The following TPRG1 variants were observed in gnomAD, a reference collection of about 807,000 sequenced individuals.
TPRG1 encodes tumor protein p63-regulated gene 1 protein.
A neutral mutation model predicts 29.3 loss-of-function variants in TPRG1; 29 were observed. That is an observed-to-expected ratio of 0.99 (90% CI 0.74 to 1.35). The LOEUF is 1.35. TPRG1 is among the 40% of genes most tolerant of loss of function. The pLI, the probability that TPRG1 is intolerant of heterozygous loss-of-function variation, is 0.00. For missense variants in TPRG1, 327 were observed against 335.0 expected (o/e 0.98, Z 0.19); for synonymous variants, 130 against 116.8 (o/e 1.11, Z -0.73).
chr3:189,037,959 A>G (rs914557198), intron 4 of TPRG1, among the ~76,000 whole-genome samples: 2 of 151,334 alleles, frequency 1.3e-5, no homozygotes, highest in Non-Finnish European at 3.0e-5. Context: ...ATGTTCATGG[A>G]TGGGGCAACT....
chr3:189,207,681 T>C (rs1734615722), intron 2 of TPRG1, 87 bp downstream of exon 2: 2 of 1,249,246 alleles, frequency 1.6e-6, no homozygotes, highest in African/African-American at 3.0e-5. Flanking sequence ...ATTTACTGAG[T>C]GTACTCACAT....
intron 4 of TPRG1, among the ~76,000 whole-genome samples, chr3:189,067,242 C>A (rs1012192227): frequency 6.6e-6 from 1 of 152,104 alleles, no homozygotes; most frequent in Non-Finnish European, 1.5e-5. Flanking sequence ...AATGTTCATA[C>A]TACCCAAAGC....
chr3:189,151,150 A>C (rs1297905198), intron 5 of TPRG1: 2 of 152,214 alleles, frequency 1.3e-5, no homozygotes, highest in Non-Finnish European at 2.9e-5. Flanking sequence ...TCTTCCAAAG[A>C]TGTTTGTGGA....
rs574344370 is a variant in TPRG1 at position 189,231,326 on chromosome 3, AT to A, written c.303-7400del. Among the ~76,000 whole-genome samples, 367 of 150,128 alleles carry A rather than the reference AT, an allele frequency of 2.4e-3. 2 individuals carry two copies. The highest frequency in any genetic ancestry group is 8.6e-3 in the African/African-American group (349 of 40,740). On this transcript the variant is annotated intron_variant, in intron 3 of 5. Transcript: ENST00000345063. ...TATGGAATTAATGACTTCTCTTTTA[AT>A]TTTTTTAGGAAATTAAAATGAAAAT...
intron 4 of TPRG1, among the ~76,000 whole-genome samples, chr3:189,049,146 C>A (rs1266895300): frequency 6.6e-6 from 1 of 152,148 alleles, no homozygotes; most frequent in Admixed American, 6.5e-5. Flanking sequence ...CCGGCCACAA[C>A]TAGGGGAAGG....
intron 1 of TPRG1, among the ~76,000 whole-genome samples, chr3:189,197,683 C>T (rs1427329600): frequency 6.6e-6 from 1 of 151,666 alleles, no homozygotes; most frequent in Non-Finnish European, 1.5e-5. Flanking sequence ...TAGAATTTAT[C>T]CCTGTAGGGG....
intron 4 of TPRG1, chr3:189,267,677 A>G (rs1158801102): frequency 1.3e-5 from 2 of 152,238 alleles, no homozygotes; most frequent in African/African-American, 4.8e-5. Flanking sequence ...TGGAAAATAG[A>G]GACAGTAGTG....
chr3:189,285,309 A>C (rs532198600), intron 4 of TPRG1, among the ~76,000 whole-genome samples: 2 of 152,314 alleles, frequency 1.3e-5, no homozygotes, highest in South Asian at 4.1e-4. Context: ...TCACTTGTGA[A>C]TGTTTCCTGC....
chr3:189,151,520 A>G (rs930276257), intron 5 of TPRG1, among the ~76,000 whole-genome samples: 3 of 151,990 alleles, frequency 2.0e-5, no homozygotes, highest in African/African-American at 7.2e-5. Context: ...AGAAAGAGAA[A>G]CCTAAAGAGT....
intron 3 of TPRG1, among the ~76,000 whole-genome samples, chr3:189,019,464 GC>G (rs1713163232): frequency 6.6e-6 from 1 of 152,106 alleles, no homozygotes; most frequent in Admixed American, 6.6e-5. Flanking sequence ...TTTGTCAAAG[GC>G]CTTTTCTGCA....
chr3:189,196,308 C>T (rs1034516920), intron 1 of TPRG1, among the ~76,000 whole-genome samples: 3 of 152,178 alleles, frequency 2.0e-5, no homozygotes, highest in African/African-American at 7.2e-5. Context: ...AATCCTGTCA[C>T]AGTGCTGGTA....
intron 4 of TPRG1, among the ~76,000 whole-genome samples, chr3:189,244,275 C>T (rs764756649): frequency 1.8e-4 from 27 of 151,926 alleles, no homozygotes; most frequent in Non-Finnish European, 3.8e-4. Flanking sequence ...ATTAAAAATA[C>T]AAAAATTAGC....
Position 189,324,518 on chromosome 3 carries a change from T to G in TPRG1, c.*3698T>G, listed in dbSNP as rs1342196579. The G allele has an allele frequency of 6.6e-6, 1 of 152,120 alleles. No homozygotes were observed. Among genetic ancestry groups the G allele is most frequent in the Non-Finnish European group, 1.5e-5 (1 of 68,020 alleles). 9.4% of individuals were successfully genotyped at this position (152,120 alleles called of 1,614,324 possible). A position where few individuals can be genotyped will look rare whatever the true frequency, so the allele number is the denominator to read the frequency against. ...TTTCCAGAAATTGCCATCATTTTCTTAAAGGCTAAGGACACTTATAGAGCT... is the reference window on the plus strand; with the variant it reads ...TTTCCAGAAATTGCCATCATTTTCTGAAAGGCTAAGGACACTTATAGAGCT... On this transcript the variant is annotated 3_prime_UTR_variant, in exon 6 of 6. Transcript: ENST00000345063.
At chr3:189,114,796 C>T (rs1720976239) in intron 1 of TPRG1, among the ~76,000 whole-genome samples, 1 of 151,950 alleles carries the variant, frequency 6.6e-6, no homozygotes, top group African/African-American at 2.4e-5. Context: ...AATAGAAATG[C>T]TATAGAAATT....
intron 4 of TPRG1, among the ~76,000 whole-genome samples, chr3:189,043,521 A>G (rs780272558): frequency 6.6e-6 from 1 of 152,162 alleles, no homozygotes; most frequent in African/African-American, 2.4e-5. Context: ...TTTATTTTTC[A>G]TATTTTCACC....
intron 3 of TPRG1, among the ~76,000 whole-genome samples, chr3:189,221,920 C>G (rs1261868657): frequency 1.3e-5 from 2 of 152,150 alleles, no homozygotes; most frequent in Non-Finnish European, 2.9e-5. Context: ...CATGACACCT[C>G]TCTCCCAGGC....
intron 3 of TPRG1, among the ~76,000 whole-genome samples, chr3:189,008,934 A>C (rs1000715465): frequency 1.3e-5 from 2 of 152,184 alleles, no homozygotes; most frequent in East Asian, 1.9e-4. Flanking sequence ...ACTTTTTCTT[A>C]TCTCTCCAAG....
chr3:189,007,536 C>T (rs1377377313), intron 3 of TPRG1, among the ~76,000 whole-genome samples: 1 of 151,652 alleles, frequency 6.6e-6, no homozygotes, highest in African/African-American at 2.4e-5. Flanking sequence ...ACCCAGCCAT[C>T]CCATTACTGG....
intron 4 of TPRG1, among the ~76,000 whole-genome samples, chr3:189,065,625 A>G (rs1716388572): frequency 6.6e-6 from 1 of 152,150 alleles, no homozygotes; most frequent in African/African-American, 2.4e-5. Flanking sequence ...ATTTATCAGG[A>G]TAAAAACATT....
Sources: gnomAD v4.1 joint callset for allele counts (sites outside exome capture counted in the v4.1 genomes callset) on GRCh38, gnomAD v4.1.1 for gene constraint, MANE v1.5 for transcripts, NCBI Gene and HGNC (gene_info 2026-07-23, HGNC 2026-07-21) for gene names.